The following ATP8B3 variants were observed in gnomAD, a reference collection of about 807,000 sequenced individuals.
ATP8B3 encodes ATPase phospholipid transporting 8B3, also known as phospholipid-transporting ATPase IK.
A neutral mutation model predicts 140.9 loss-of-function variants in ATP8B3; 141 were observed. The observed-to-expected ratio is 1.00, with a 90% CI of 0.87 to 1.15. ATP8B3 has a LOEUF of 1.15. ATP8B3 is among the 50% of genes most tolerant of loss of function. The pLI, the probability that ATP8B3 is intolerant of heterozygous loss-of-function variation, is 0.00. For synonymous variants in ATP8B3, 765 were observed against 714.6 expected (o/e 1.07, Z -1.13); for missense variants, 1,874 against 1,740.6 (o/e 1.08, Z -1.36).
At chr19:1,783,801 T>C (rs1387221043) in intron 28 of ATP8B3, among the ~76,000 whole-genome samples, 1 of 152,174 alleles carries the variant, frequency 6.6e-6, no homozygotes, top group African/African-American at 2.4e-5. Flanking sequence ...CAACTTGCTT[T>C]TCCATGCATG....
intron 4 of ATP8B3, among the ~76,000 whole-genome samples, chr19:1,809,173 TAAAAC>T (rs1568663165): frequency 1.8e-5 from 2 of 113,584 alleles, no homozygotes; most frequent in Non-Finnish European, 3.7e-5. Flanking sequence ...GACTCCATCT[TAAAAC>T]AAAACAGAAA....
At position 1,794,443 on chromosome 19, in the gene ATP8B3, A is replaced by C. The variant is rs1180241593; in HGVS notation, c.2055+1432T>G. ...AGCAGGGGACACAGGACATCTTCCC[A>C]CACACACCCCGCTGCCCTGTGCTCC... On this transcript the variant is annotated intron_variant, in intron 18 of 28. Transcript: ENST00000310127. The surrounding 1 kb of genome is among the most constrained non-coding windows in gnomAD (Gnocchi z 4.8). 2.0e-5 allele frequency among the ~76,000 whole-genome samples: 3 copies of C among 151,638 alleles called. No individual in the cohort carries two copies. Among genetic ancestry groups the C allele is most frequent in the African/African-American group, 4.8e-5 (2 of 41,288 alleles).
At position 1,794,985 on chromosome 19, in the gene ATP8B3, G is replaced by A. The variant is rs776228823; in HGVS notation, c.2055+890C>T. ...GAAAAATACACCCTTGGCCGGGCGCGGTGGCCTACGCCTGTAATCCCAGCA... is the reference window on the plus strand; with the variant it reads ...GAAAAATACACCCTTGGCCGGGCGCAGTGGCCTACGCCTGTAATCCCAGCA... On this transcript the variant is annotated intron_variant, in intron 18 of 28. Coordinates refer to ENST00000310127, the MANE Select transcript of ATP8B3 (RefSeq NM_138813.4). The surrounding 1 kb of genome is among the most constrained non-coding windows in gnomAD (Gnocchi z 4.8). Among the ~76,000 whole-genome samples the A allele has an allele frequency of 1.6e-4, 25 of 152,218 alleles. No homozygotes were observed. The highest frequency in any genetic ancestry group is 2.6e-4 in the Non-Finnish European group (18 of 68,042).
Position 1,800,392 on chromosome 19 carries a change from C to T in ATP8B3, c.1210G>A (p.Val404Ile). 1.9e-6 allele frequency: 3 copies of T among 1,612,554 alleles called. No individual in the cohort carries two copies. The highest frequency in any genetic ancestry group is 2.5e-6 in the Non-Finnish European group (3 of 1,179,756). ...LVLAFGFGFS[V>I]KEFKDHHYYL... ...TAGTGGTGGTCTTTGAATTCTTTGA[C>T]TGAGAAACCGAAGCCGAAGGCCAAC... The change falls in exon 13 of 29, where the codon GTC becomes ATC. Residue 404 changes from valine to isoleucine, a missense_variant. By Grantham distance (29) the Val-to-Ile change is conservative (BLOSUM62 3). Coordinates refer to ENST00000310127, the MANE Select transcript of ATP8B3 (RefSeq NM_138813.4). The surrounding 1 kb of genome is among the most constrained non-coding windows in gnomAD (Gnocchi z 4.4).
chr19:1,795,130 C>T (rs541363089), intron 18 of ATP8B3, among the ~76,000 whole-genome samples: 77 of 152,234 alleles, frequency 5.1e-4, no homozygotes, highest in African/African-American at 1.8e-3. Context: ...TGGCGGGCGC[C>T]TGTAGTCTCA....
intron 14 of ATP8B3, among the ~76,000 whole-genome samples, chr19:1,797,988 T>C (rs532155080): frequency 1.1e-4 from 17 of 151,752 alleles, no homozygotes; most frequent in Admixed American, 2.0e-4. Context: ...TGTGTGTGTG[T>C]GATGGAGTCT....
At position 1,793,082 on chromosome 19, in the gene ATP8B3, C is replaced by CT. The variant is rs773629818; in HGVS notation, c.2056-948dup. On this transcript the variant is annotated intron_variant, in intron 18 of 28. Coordinates refer to ENST00000310127, the MANE Select transcript of ATP8B3 (RefSeq NM_138813.4). ...TTCCCTATGCTTTGCACAGCAAATT[C>CT]TTTTTTTTTTTTTTTCTCGGGGGTG... Among the ~76,000 whole-genome samples, 740 of 138,232 alleles carry CT rather than the reference C, an allele frequency of 5.4e-3. 6 individuals are homozygous for CT. Among genetic ancestry groups the CT allele is most frequent in the African/African-American group, 0.011 (393 of 37,074 alleles). The allele number at this position is 138,232 out of a possible 152,430, so 90.7% of individuals were successfully genotyped here. A position where few individuals can be genotyped will look rare whatever the true frequency, so the allele number is the denominator to read the frequency against.
At position 1,784,867 on chromosome 19, in the gene ATP8B3, G is replaced by A; in HGVS notation, c.3612C>T (p.Val1204=). 2.5e-6 allele frequency: 4 copies of A among 1,612,646 alleles called. No individual in the cohort carries two copies. Among genetic ancestry groups the A allele is most frequent in the South Asian group, 1.1e-5 (1 of 90,742 alleles). ...CTGGGAAGATGACTCGGAGGGCCAGGACAGGGAAGGTGTTTATGGACACAC... is the reference window on the plus strand; with the variant it reads ...CTGGGAAGATGACTCGGAGGGCCAGAACAGGGAAGGTGTTTATGGACACAC... The part of the protein sequence containing the change: ...LLSVSINTFP[V]LALRVIFPAL... The change falls in exon 28 of 29, where the codon GTC becomes GTT. Residue 1204 remains valine, a synonymous_variant. Transcript: ENST00000310127.
chr19:1,796,932 C>T (rs368287343), intron 15 of ATP8B3, 42 bp downstream of exon 15: 43 of 1,612,182 alleles, frequency 2.7e-5, no homozygotes, highest in East Asian at 1.6e-4. Flanking sequence ...CCCCGTGCCC[C>T]GTCCCCCTCA....
chr19:1,805,365 G>A lies in ATP8B3; in HGVS notation c.904+9C>T, dbSNP rs749789392. 2.2e-5 allele frequency: 35 copies of A among 1,556,544 alleles called. No individual in the cohort carries two copies. The African/African-American group carries it at 2.3e-4, about 10-fold the overall frequency. On this transcript the variant is annotated intron_variant, in intron 10 of 28. Transcript: ENST00000310127. The surrounding 1 kb of genome is among the most constrained non-coding windows in gnomAD (Gnocchi z 5.2). ...CGAGGGACGTGACTCCCTGCTCAACGCCTCTCACCTTGAAAGGACGCCATC... is the reference window on the plus strand; with the variant it reads ...CGAGGGACGTGACTCCCTGCTCAACACCTCTCACCTTGAAAGGACGCCATC...
intron 10 of ATP8B3, among the ~76,000 whole-genome samples, chr19:1,803,214 G>T (rs536582237): frequency 3.3e-5 from 5 of 152,246 alleles, no homozygotes; most frequent in African/African-American, 1.2e-4. Context: ...TGCACAGACT[G>T]GCCCGGGGCA....
intron 16 of ATP8B3, among the ~76,000 whole-genome samples, chr19:1,796,491 C>G (rs1213594779): frequency 6.6e-6 from 1 of 152,270 alleles, no homozygotes; most frequent in Non-Finnish European, 1.5e-5. Context: ...TCCTTTAGCC[C>G]TGACGATGAC....
intron 23 of ATP8B3, 31 bp downstream of exon 23, chr19:1,789,330 A>T: frequency 1.6e-6 from 2 of 1,235,994 alleles, no homozygotes; most frequent in Non-Finnish European, 2.0e-6. Flanking sequence ...CACTCGTCCC[A>T]GGCACCCCCA....
At chr19:1,803,055 G>A (rs1382401901) in intron 10 of ATP8B3, among the ~76,000 whole-genome samples, 1 of 152,274 alleles carries the variant, frequency 6.6e-6, no homozygotes. Context: ...GCACCTGCAT[G>A]CAGTAGGTGC....
At chr19:1,799,699 G>A (rs1360219723) in intron 14 of ATP8B3, 5 of 583,860 alleles carry the variant, frequency 8.6e-6, no homozygotes, top group Non-Finnish European at 1.5e-5. Flanking sequence ...GGGAGGTGGA[G>A]ATTGCAGTGA....
At position 1,810,676 on chromosome 19, in the gene ATP8B3, T is replaced by C; in HGVS notation, c.256A>G (p.Ser86Gly). ...TCTCTCTGGCCGAGGCTGCCCATGC[T>C]GGTGGGGCTGTGGGAGAGAAGGGCC... ...KYEWRPEGPT[S>G]MGSLGQREDL... The change falls in exon 3 of 29, where the codon AGC becomes GGC. Residue 86 changes from serine (S) to glycine (G), a missense_variant. Around this residue, in one of 3 missense-constraint regions of ATP8B3, gnomAD observed 1,032 missense variants for 963.6 expected, o/e 1.07. Transcript: ENST00000310127. The C allele has an allele frequency of 6.2e-7, 1 of 1,612,416 alleles. No homozygotes were observed. Among genetic ancestry groups the C allele is most frequent in the Non-Finnish European group, 8.5e-7 (1 of 1,179,520 alleles).
chr19:1,804,162 C>T (rs1286057657), intron 10 of ATP8B3, among the ~76,000 whole-genome samples: 1 of 152,110 alleles, frequency 6.6e-6, no homozygotes, highest in African/African-American at 2.4e-5. Context: ...TAACTGTTTC[C>T]ACATCACGTG....
At position 1,802,557 on chromosome 19, in the gene ATP8B3, A is replaced by C. The variant is rs1452027525; in HGVS notation, c.993T>G (p.Ile331Met). The C allele has an allele frequency of 6.2e-7, 1 of 1,610,816 alleles. No individual in the cohort carries two copies. Among genetic ancestry groups the C allele is most frequent in the South Asian group, 1.1e-5 (1 of 90,970 alleles). Residue 331 changes from isoleucine (I) to methionine (M), a missense_variant, in exon 11 of 29, where the codon ATT (isoleucine) becomes ATG (methionine). Ile to Met is a conservative substitution (Grantham distance 10). Transcript: ENST00000310127. ...TGCAGCCTCGGAGGAGGAGGTTGCC[A>C]ATGTCCAGGGAGTATTTCTTGTCAT... ...EWNDKKYSLD[I>M]GNLLLRGCRI...
chr19:1,810,322 A>G (rs566049637), intron 3 of ATP8B3, among the ~76,000 whole-genome samples: 3 of 152,192 alleles, frequency 2.0e-5, no homozygotes, highest in African/African-American at 7.2e-5. Context: ...CAGTAGCACA[A>G]TCGCAGCTCA....
Sources: gnomAD v4.1 joint callset for allele counts (sites outside exome capture counted in the v4.1 genomes callset) on GRCh38, gnomAD v4.1.1 for gene constraint, gnomAD v4.1.1 regional missense constraint, Gnocchi (gnomAD v3.1) non-coding constraint, MANE v1.5 for transcripts, NCBI Gene and HGNC (gene_info 2026-07-23, HGNC 2026-07-21) for gene names.